GPHN: variants seen among roughly 807,000 people sequenced by gnomAD.
The protein encoded by GPHN is gephyrin.
A neutral mutation model predicts 95.5 loss-of-function variants in GPHN; 17 were observed. That is an observed-to-expected ratio of 0.18 (90% confidence interval 0.12 to 0.27). GPHN has a LOEUF of 0.27. GPHN is among the 10% of genes least tolerant of loss of function. GPHN has a pLI of 1.00. For synonymous variants in GPHN, 320 were observed against 322.5 expected (o/e 0.99, Z 0.08); for missense variants, 660 against 978.1 (o/e 0.67, Z 4.34).
At chr14:67,203,922 G>A in the GPHN span, among the ~76,000 whole-genome samples, 7 of 152,312 alleles carry the variant, frequency 4.6e-5, no homozygotes, top group South Asian at 1.2e-3. Flanking sequence ...ATATTGGTCA[G>A]GCTGGTATTG....
In GPHN at chr14:67,181,180, T is replaced by C. The variant is rs2083307421; in HGVS notation, c.*243T>C. ...AAATTTTTCCTTTCTTGCAAATTGC[T>C]TTGTGTGTTCAATGCTAGGTCTGAT... On this transcript the variant is annotated 3_prime_UTR_variant, in exon 23 of 23. Coordinates refer to ENST00000478722, the MANE Select transcript of GPHN (RefSeq NM_020806.5). 1.8e-6 allele frequency: 1 copy of C among 551,168 alleles called. No homozygotes were observed. The highest frequency in any genetic ancestry group is 3.1e-5 in the East Asian group (1 of 32,076). 34.1% of individuals were successfully genotyped at this position (551,168 alleles called of 1,614,324 possible).
intron 2 of GPHN, among the ~76,000 whole-genome samples, chr14:66,694,816 T>A (rs1193852392): frequency 6.6e-6 from 1 of 152,168 alleles, no homozygotes; most frequent in Non-Finnish European, 1.5e-5. Context: ...GATAATGTAC[T>A]ATTACTTAAA....
rs148526683 is a variant in GPHN at position 66,886,733 on chromosome 14, G to A, written c.389+6700G>A. 4.6e-5 allele frequency among the ~76,000 whole-genome samples: 7 copies of A among 152,174 alleles called. No homozygotes were observed. In the East Asian group the frequency reaches 1.4e-3, roughly 29 times the overall value. On this transcript the variant is annotated intron_variant, in intron 5 of 22. Coordinates refer to ENST00000478722, the MANE Select transcript of GPHN (RefSeq NM_020806.5). ...GGAAGAAAACTGAACAGAGCCTAAG[G>A]GACCTATGGAACAACATTAAGCAGA...
chr14:67,195,514 G>A, the GPHN span, among the ~76,000 whole-genome samples: 3 of 152,128 alleles, frequency 2.0e-5, no homozygotes, highest in Admixed American at 6.5e-5. Flanking sequence ...ACACCCTCCA[G>A]TATGCAGTAT....
At chr14:67,500,499 A>T in the GPHN span, among the ~76,000 whole-genome samples, 2 of 151,974 alleles carry the variant, frequency 1.3e-5, no homozygotes, top group African/African-American at 4.8e-5. Context: ...CAAAAACAAA[A>T]ACACAATAGA....
chr14:67,230,156 T>C, the GPHN span, among the ~76,000 whole-genome samples: 1 of 152,230 alleles, frequency 6.6e-6, no homozygotes, highest in Non-Finnish European at 1.5e-5. Flanking sequence ...AAATTGATTC[T>C]TACAGGTAGA....
At chr14:66,705,864 A>T (rs757554882) in intron 2 of GPHN, among the ~76,000 whole-genome samples, 1 of 152,194 alleles carries the variant, frequency 6.6e-6, no homozygotes, top group Non-Finnish European at 1.5e-5. Context: ...GGAAGAGAGG[A>T]AGTCAAATTG....
chr14:67,657,552 C>T, the GPHN span, among the ~76,000 whole-genome samples: 1 of 151,980 alleles, frequency 6.6e-6, no homozygotes, highest in Non-Finnish European at 1.5e-5. Context: ...CTGACAGAAA[C>T]GGAGGCAGCT....
chr14:66,610,809 A>G (rs1022872966), intron 1 of GPHN, among the ~76,000 whole-genome samples: 1 of 152,148 alleles, frequency 6.6e-6, no homozygotes, highest in Non-Finnish European at 1.5e-5. Context: ...TAGTAGATAG[A>G]AAATTACTAA....
chr14:67,653,518 A>G, the GPHN span: 1 of 1,606,682 alleles, frequency 6.2e-7, no homozygotes, highest in South Asian at 1.1e-5. Context: ...GAAAATAGTG[A>G]TTATTTCCCT....
At chr14:67,375,159 T>C in the GPHN span, among the ~76,000 whole-genome samples, 1 of 152,186 alleles carries the variant, frequency 6.6e-6, no homozygotes, top group Non-Finnish European at 1.5e-5. Flanking sequence ...GATAGCCATT[T>C]AATTTCTTCT....
At chr14:67,380,458 AT>A in the GPHN span, among the ~76,000 whole-genome samples, 2 of 152,234 alleles carry the variant, frequency 1.3e-5, no homozygotes, top group Non-Finnish European at 2.9e-5. Context: ...GATCACTAAA[AT>A]TTTGATTTCA....
intron 20 of GPHN, 33 bp from the exon 21 acceptor site, chr14:67,168,900 T>C (rs2082435173): frequency 7.7e-7 from 1 of 1,291,892 alleles, no homozygotes. Flanking sequence ...TGTTACACAG[T>C]GTATTATAAA....
At chr14:66,780,679 G>C (rs977598618) in intron 3 of GPHN, among the ~76,000 whole-genome samples, 2 of 151,760 alleles carry the variant, frequency 1.3e-5, no homozygotes, top group African/African-American at 4.8e-5. Context: ...GAGAGTTTGA[G>C]GCCTGAGGCA....
the GPHN span, among the ~76,000 whole-genome samples, chr14:67,356,442 A>C: frequency 0.022 from 3,161 of 144,110 alleles, 41 homozygotes; most frequent in Middle Eastern, 0.038. Flanking sequence ...AACAAAAAAA[A>C]AAAAACAAAA....
intron 21 of GPHN, chr14:67,169,248 G>A: frequency 3.4e-6 from 2 of 589,952 alleles, no homozygotes; most frequent in South Asian, 2.0e-5. Flanking sequence ...ATTTTCTCCA[G>A]ATAGAAGTCC....
intron 5 of GPHN, among the ~76,000 whole-genome samples, chr14:66,883,006 A>C (rs1200290996): frequency 1.3e-5 from 2 of 151,816 alleles, no homozygotes; most frequent in Non-Finnish European, 2.9e-5. Flanking sequence ...CTGCAGCTTT[A>C]GTTTCAGCAA....
At chr14:66,907,936 A>G (rs1383702634) in intron 5 of GPHN, among the ~76,000 whole-genome samples, 1 of 152,046 alleles carries the variant, frequency 6.6e-6, no homozygotes, top group Non-Finnish European at 1.5e-5. Context: ...GATCCTAGGT[A>G]ATGAATTAGA....
the GPHN span, chr14:67,706,197 G>A: frequency 5.7e-4 from 87 of 152,448 alleles, no homozygotes; most frequent in African/African-American, 2.1e-3. Flanking sequence ...TCGCAAGATA[G>A]TGCCTATGAA....
Sources: gnomAD v4.1 joint callset for allele counts (sites outside exome capture counted in the v4.1 genomes callset) on GRCh38, gnomAD v4.1.1 for gene constraint, MANE v1.5 for transcripts, NCBI Gene and HGNC (gene_info 2026-07-23, HGNC 2026-07-21) for gene names.